Variants in ADRA1B observed in about 807,000 individuals in gnomAD.
ADRA1B encodes the protein adrenoceptor alpha 1B, also known as alpha-1B adrenergic receptor.
ADRA1B carries 17 observed loss-of-function variants against 17.9 expected under a neutral mutation model. The observed-to-expected ratio is 0.95, with a 90% CI of 0.65 to 1.42. ADRA1B has a LOEUF of 1.42. ADRA1B is among the 40% of genes most tolerant of loss of function. ADRA1B has a pLI of 0.00. For missense variants in ADRA1B, 681 were observed against 722.1 expected, an observed-to-expected ratio of 0.94 and a Z score of 0.65; for synonymous variants, 366 against 327.6, an observed-to-expected ratio of 1.12 and a Z score of -1.27.
At chr5:159,981,385 T>A in the ADRA1B span, among the ~76,000 whole-genome samples, 1 of 152,122 alleles carries the variant, frequency 6.6e-6, no homozygotes, top group Admixed American at 6.6e-5. Flanking sequence ...AGCCCCCAAT[T>A]GAAAACCTCT....
chr5:159,948,510 G>T (rs1755337863), intron 1 of ADRA1B: 1 of 968,876 alleles, frequency 1.0e-6, no homozygotes, highest in East Asian at 1.1e-4. Flanking sequence ...GAAGTTATAT[G>T]CGTGTTTTCA....
chr5:159,929,933 ATG>A (rs1383326812), intron 1 of ADRA1B, among the ~76,000 whole-genome samples: 2 of 152,174 alleles, frequency 1.3e-5, no homozygotes, highest in Non-Finnish European at 2.9e-5. Flanking sequence ...TGCATGCAGA[ATG>A]TGTGTGTTTT....
upstream of ADRA1B, among the ~76,000 whole-genome samples, chr5:159,912,240 G>A (rs556643998): frequency 1.1e-3 from 174 of 152,320 alleles, no homozygotes; most frequent in African/African-American, 4.1e-3. Flanking sequence ...GGCCCAGAGT[G>A]GTTAAGTGAC....
At chr5:159,987,138 C>T in the ADRA1B span, among the ~76,000 whole-genome samples, 5 of 152,326 alleles carry the variant, frequency 3.3e-5, no homozygotes, top group Middle Eastern at 0.014. Flanking sequence ...AGAAGCTGGA[C>T]GAGCCCGGTT....
chr5:159,960,977 AGAG>A (rs1386507214), intron 1 of ADRA1B, among the ~76,000 whole-genome samples: 8 of 152,232 alleles, frequency 5.3e-5, no homozygotes, highest in African/African-American at 1.7e-4. Flanking sequence ...CAGTCTAATC[AGAG>A]GAGATGAGAA....
chr5:159,943,099 C>T (rs1755178009), intron 1 of ADRA1B, among the ~76,000 whole-genome samples: 1 of 151,946 alleles, frequency 6.6e-6, no homozygotes, highest in African/African-American at 2.4e-5. Flanking sequence ...GTATTCTCAG[C>T]TACTCGGGAG....
chr5:159,933,281 T>G (rs1754863804), intron 1 of ADRA1B, among the ~76,000 whole-genome samples: 1 of 152,222 alleles, frequency 6.6e-6, no homozygotes, highest in Non-Finnish European at 1.5e-5. Flanking sequence ...TTCTTTTCCT[T>G]AATATCTTTA....
chr5:159,917,598 G>A lies in ADRA1B; in HGVS notation c.693G>A (p.Lys231=). 6.2e-7 allele frequency: 1 copy of A among 1,614,086 alleles called. No homozygotes were observed. Among genetic ancestry groups the A allele is most frequent in the Non-Finnish European group, 8.5e-7 (1 of 1,180,020 alleles). ...ACTGCCGTGTCTATATAGTGGCCAA[G>A]AGAACCACCAAGAACCTAGAGGCAG... ...VMYCRVYIVA[K]RTTKNLEAGV... The change falls in exon 1 of 2, where the codon AAG becomes AAA. Residue 231 remains lysine, a synonymous_variant. Coordinates refer to ENST00000306675, the MANE Select transcript of ADRA1B (RefSeq NM_000679.4).
intron 1 of ADRA1B, among the ~76,000 whole-genome samples, chr5:159,926,108 T>C (rs993181733): frequency 6.6e-6 from 1 of 152,192 alleles, no homozygotes; most frequent in Non-Finnish European, 1.5e-5. Context: ...AGCAGAAGAA[T>C]TAAGAGTGCA....
chr5:159,930,888 G>A (rs972597498), intron 1 of ADRA1B, among the ~76,000 whole-genome samples: 2 of 151,020 alleles, frequency 1.3e-5, no homozygotes, highest in Non-Finnish European at 2.9e-5. Context: ...TTATGGTGGG[G>A]ACTATTAAAC....
intron 1 of ADRA1B, among the ~76,000 whole-genome samples, chr5:159,961,757 A>C (rs1755667535): frequency 6.6e-6 from 1 of 152,330 alleles, no homozygotes; most frequent in East Asian, 1.9e-4. Flanking sequence ...AAATAAATCA[A>C]ATCAAATTTA....
chr5:159,926,681 G>A (rs1424958699), intron 1 of ADRA1B, among the ~76,000 whole-genome samples: 2 of 152,074 alleles, frequency 1.3e-5, no homozygotes, highest in Non-Finnish European at 2.9e-5. Context: ...GAGGTCGGGA[G>A]TTCGAGACCA....
rs1754365357 is a variant in ADRA1B at position 159,917,721 on chromosome 5, C to A, written c.816C>A (p.Gly272=). 1 of 1,613,984 alleles carries A rather than the reference C, an allele frequency of 6.2e-7. No individual in the cohort carries two copies. Among genetic ancestry groups the A allele is most frequent in the African/African-American group, 1.3e-5 (1 of 74,910 alleles). The change falls in exon 1 of 2, where the codon GGC becomes GGA. Residue 272 remains glycine, a synonymous_variant. Coordinates refer to ENST00000306675, the MANE Select transcript of ADRA1B (RefSeq NM_000679.4). ...EDTLSSTKAK[G]HNPRSSIAVK... ...CCCTTAGCAGTACCAAGGCCAAGGGCCACAACCCCAGGAGTTCCATAGCTG... is the reference window on the plus strand; with the variant it reads ...CCCTTAGCAGTACCAAGGCCAAGGGACACAACCCCAGGAGTTCCATAGCTG...
intron 1 of ADRA1B, among the ~76,000 whole-genome samples, chr5:159,961,556 G>A (rs955957915): frequency 6.6e-6 from 1 of 152,192 alleles, no homozygotes; most frequent in Non-Finnish European, 1.5e-5. Flanking sequence ...GCATATTATT[G>A]TAAATTTTTC....
At chr5:159,978,768 A>C in the ADRA1B span, among the ~76,000 whole-genome samples, 3 of 152,248 alleles carry the variant, frequency 2.0e-5, no homozygotes, top group Non-Finnish European at 4.4e-5. Flanking sequence ...GCTTGGGAGC[A>C]GAGGAAAACG....
At chr5:159,886,732 G>A (rs760037790) in intron 1 of ADRA1B, among the ~76,000 whole-genome samples, 9 of 152,168 alleles carry the variant, frequency 5.9e-5, no homozygotes, top group African/African-American at 1.2e-4. Flanking sequence ...CTTACATTGC[G>A]GAGTGTTGTG....
chr5:159,984,945 C>G, the ADRA1B span, among the ~76,000 whole-genome samples: 1 of 151,842 alleles, frequency 6.6e-6, no homozygotes, highest in Non-Finnish European at 1.5e-5. Context: ...GAGACTATGC[C>G]TCTGCTGGAA....
chr5:159,950,714 T>C (rs34467921), intron 1 of ADRA1B: 87,123 of 682,418 alleles, frequency 0.13, 6,436 homozygotes, highest in Non-Finnish European at 0.15. Flanking sequence ...AATGCTCACT[T>C]CACCACCTTC....
At chr5:159,971,363 G>T (rs773657415) in intron 1 of ADRA1B, among the ~76,000 whole-genome samples, 42 of 152,030 alleles carry the variant, frequency 2.8e-4, no homozygotes, top group Middle Eastern at 6.8e-3. Context: ...TTCACCCCTA[G>T]ATCAAAAAAA....
Sources: allele counts gnomAD v4.1 joint callset (sites outside exome capture counted in the v4.1 genomes callset), GRCh38; gene constraint gnomAD v4.1.1; transcripts MANE v1.5; gene names NCBI Gene and HGNC (gene_info 2026-07-23, HGNC 2026-07-21).